Variants in COL4A6 observed in about 807,000 individuals in gnomAD.
COL4A6 encodes the protein collagen type IV alpha 6 chain.
In COL4A6, 59 loss-of-function variants were observed where a neutral mutation model predicts 126.7. The ratio of observed to expected loss-of-function variants is 0.47; its 90% CI spans 0.38 to 0.58. The LOEUF is 0.58. COL4A6 is among the 20% of genes least tolerant of loss of function. The probability of loss-of-function intolerance (pLI) is 0.00; values close to 1 mark genes in which losing one functional copy is unlikely to be tolerated. For synonymous variants in COL4A6, 547 were observed against 496.6 expected, an observed-to-expected ratio of 1.10 and a Z score of -1.35; for missense variants, 1,285 against 1,337.3, an observed-to-expected ratio of 0.96 and a Z score of 0.61.
chrX:108,277,378 C>T (rs949652932), intron 3 of COL4A6, among the ~76,000 whole-genome samples: 1 of 112,269 alleles, frequency 8.9e-6, no homozygotes, highest in Non-Finnish European at 1.9e-5. Flanking sequence ...CATGGAGTCT[C>T]GCTGATTGCT....
chrX:108,239,824 G>A (rs747534518), intron 3 of COL4A6, among the ~76,000 whole-genome samples: 2 of 111,901 alleles, frequency 1.8e-5, no homozygotes, highest in South Asian at 7.5e-4. Flanking sequence ...ATTGTAGAGG[G>A]GAAAGTCACC....
intron 3 of COL4A6, among the ~76,000 whole-genome samples, chrX:108,264,273 T>C (rs1487546559): frequency 4.5e-5 from 5 of 111,747 alleles, no homozygotes; most frequent in Non-Finnish European, 9.4e-5. Context: ...ACTGTATACA[T>C]ATTGGGTTAA....
Position 108,209,995 on chromosome X carries a change from C to G in COL4A6, c.520G>C (p.Gly174Arg). Residue 174 changes from glycine to arginine, a missense_variant, in exon 8 of 45, where the codon GGG (glycine) becomes CGG (arginine). Transcript: ENST00000334504. Reference sequence around the variant, plus strand: ...GTGATTCCATCCAGTCCAGGCAGCCCAGGATCCCCCTGAGAAACAAAGGCA... The same window carrying G: ...GTGATTCCATCCAGTCCAGGCAGCCGAGGATCCCCCTGAGAAACAAAGGCA... ...GSFKGMKGDP[G>R]LPGLDGITGP... 8.3e-7 allele frequency: 1 copy of G among 1,209,503 alleles called. No individual in the cohort carries two copies. Among genetic ancestry groups the G allele is most frequent in the Non-Finnish European group, 1.1e-6 (1 of 894,239 alleles).
intron 28 of COL4A6, among the ~76,000 whole-genome samples, chrX:108,176,429 C>T (rs1193949141): frequency 2.7e-5 from 3 of 110,201 alleles, no homozygotes; most frequent in African/African-American, 6.6e-5. Flanking sequence ...GCTTTAGCCT[C>T]GTTCTGCTGC....
intron 3 of COL4A6, among the ~76,000 whole-genome samples, chrX:108,254,522 GT>G (rs962195826): frequency 7.1e-4 from 77 of 107,835 alleles, no homozygotes; most frequent in South Asian, 2.4e-3. Flanking sequence ...TTTGTTTTTT[GT>G]TTTTTTTTGG....
At chrX:108,416,888 C>T (rs2041445778) in intron 2 of COL4A6, among the ~76,000 whole-genome samples, 1 of 111,728 alleles carries the variant, frequency 9.0e-6, no homozygotes, top group South Asian at 3.8e-4. Flanking sequence ...ACTTTTCACA[C>T]TTAGAGAAGA....
chrX:108,215,177 G>C (rs1271292073), intron 5 of COL4A6, among the ~76,000 whole-genome samples: 1 of 112,040 alleles, frequency 8.9e-6, no homozygotes, highest in Non-Finnish European at 1.9e-5. Context: ...AATTATTAGA[G>C]GAAACAACCT....
At chrX:108,394,230 G>A (rs2040909381) in intron 2 of COL4A6, among the ~76,000 whole-genome samples, 1 of 110,273 alleles carries the variant, frequency 9.1e-6, no homozygotes, top group Non-Finnish European at 1.9e-5. Context: ...AACGATGAGA[G>A]TGCATGGACA....
intron 2 of COL4A6, among the ~76,000 whole-genome samples, chrX:108,349,613 G>A (rs1192540294): frequency 9.0e-6 from 1 of 111,637 alleles, no homozygotes; most frequent in African/African-American, 3.3e-5. Context: ...AACAATCATA[G>A]TAGCAGGCAC....
chrX:108,275,486 T>G (rs1013369919), intron 3 of COL4A6, among the ~76,000 whole-genome samples: 1 of 112,456 alleles, frequency 8.9e-6, no homozygotes, highest in Non-Finnish European at 1.9e-5. Context: ...CTCTATCCTG[T>G]ATGAGTTAAT....
rs750371159 is a variant in COL4A6 at position 108,358,674 on chromosome X, C to T, written c.64-47846G>A. 1.2e-4 allele frequency among the ~76,000 whole-genome samples: 13 copies of T among 112,073 alleles called. No individual in the cohort carries two copies. In the South Asian group the frequency reaches 4.2e-3, roughly 36 times the overall value. Reference sequence around the variant, plus strand: ...CCTCCCAGAGTGCTGGGATTATAGGCGTGAGCCACCGTGCCTGGCTGATAA... The same window carrying T: ...CCTCCCAGAGTGCTGGGATTATAGGTGTGAGCCACCGTGCCTGGCTGATAA... On this transcript the variant is annotated intron_variant, in intron 2 of 44. Coordinates refer to ENST00000334504, the MANE Select transcript of COL4A6 (RefSeq NM_033641.4).
In COL4A6 at chrX:108,206,487, T is replaced by C. The variant is rs778488229; in HGVS notation, c.609+31A>G. On this transcript the variant is annotated intron_variant, in intron 9 of 44. Coordinates refer to ENST00000334504, the MANE Select transcript of COL4A6 (RefSeq NM_033641.4). ...AGGGAAAACAACCATGTGAACACTG[T>C]GATCACAAACTAGGCTTAAATTGAT... is the stretch of plus-strand genomic sequence containing the variant. The C allele has an allele frequency of 6.8e-6, 8 of 1,178,943 alleles. No individual in the cohort carries two copies. In the Admixed American group the frequency reaches 1.5e-4, roughly 23 times the overall value.
At chrX:108,356,904 GA>G (rs72146466) in intron 2 of COL4A6, among the ~76,000 whole-genome samples, 8,531 of 101,570 alleles carry the variant, frequency 0.084, 756 homozygotes, top group African/African-American at 0.26. Context: ...CATTTCATCT[GA>G]AAAAAAAAAG....
chrX:108,215,802 G>A (rs1031976176), intron 5 of COL4A6, among the ~76,000 whole-genome samples: 1 of 111,268 alleles, frequency 9.0e-6, no homozygotes, highest in Non-Finnish European at 1.9e-5. Context: ...TCTAGGGGTA[G>A]CTTTGAGTTA....
chrX:108,286,932 T>A lies in COL4A6; in HGVS notation c.144+23816A>T, dbSNP rs778013306. Among the ~76,000 whole-genome samples, 6 of 111,480 alleles carry A rather than the reference T, an allele frequency of 5.4e-5. No individual in the cohort carries two copies. The Admixed American group carries it at 5.7e-4, about 11-fold the overall frequency. On this transcript the variant is annotated intron_variant, in intron 3 of 44. Coordinates refer to ENST00000334504, the MANE Select transcript of COL4A6 (RefSeq NM_033641.4). ...CCTTTCCCCTAGTCTCTCATGGTGC[T>A]GTTGGAAGGAAGATATGATGGCTCA...
intron 13 of COL4A6, among the ~76,000 whole-genome samples, chrX:108,201,192 T>A (rs1475024616): frequency 4.5e-5 from 5 of 111,571 alleles, no homozygotes; most frequent in African/African-American, 1.6e-4. Context: ...CCAAACTATC[T>A]CAAAGTACTG....
intron 3 of COL4A6, among the ~76,000 whole-genome samples, chrX:108,294,858 T>C (rs1374881524): frequency 8.9e-6 from 1 of 111,902 alleles, no homozygotes; most frequent in African/African-American, 3.3e-5. Context: ...CTTGTGAATA[T>C]ACTAAAAAGC....
chrX:108,187,219 C>G lies in COL4A6; in HGVS notation c.1828G>C (p.Gly610Arg). ...GGGAGGCCAGGTGGACCAGGATGGC[C>G]TTTTTCACCAGGAAGTCCAGGTAAC... ...KGLPGLPGEK[G>R]HPGPPGLPGN... The change falls in exon 23 of 45, where the codon GGC becomes CGC. Residue 610 changes from glycine (G) to arginine (R), a missense_variant. By Grantham distance (125) the Gly-to-Arg change is moderately radical. Transcript: ENST00000334504. 1 of 1,193,230 alleles carries G rather than the reference C, an allele frequency of 8.4e-7. No individual in the cohort carries two copies. Among genetic ancestry groups the G allele is most frequent in the Non-Finnish European group, 1.1e-6 (1 of 883,821 alleles).
chrX:108,303,980 G>A (rs1047796095), intron 3 of COL4A6, among the ~76,000 whole-genome samples: 2 of 111,918 alleles, frequency 1.8e-5, no homozygotes, highest in African/African-American at 6.5e-5. Context: ...TGTGGTGTCT[G>A]ACTTAGATTG....
Sources: allele counts gnomAD v4.1 joint callset (sites outside exome capture counted in the v4.1 genomes callset), GRCh38; gene constraint gnomAD v4.1.1; transcripts MANE v1.5; gene names NCBI Gene and HGNC (gene_info 2026-07-23, HGNC 2026-07-21).